The following MDGA2 variants were observed in gnomAD, a reference collection of about 807,000 sequenced individuals.
MDGA2 encodes MAM domain-containing glycosylphosphatidylinositol anchor protein 2.
Under a neutral mutation model 117.8 loss-of-function variants are expected in MDGA2, and 40 were observed. The ratio of observed to expected loss-of-function variants is 0.34; its 90% CI spans 0.26 to 0.44. The LOEUF (loss-of-function observed/expected upper bound fraction) is 0.44, where lower values mean the gene tolerates loss of function less well. Among genes scored for constraint, MDGA2 ranks in the 20% least tolerant of loss-of-function variants. MDGA2 has a pLI of 1.00. For synonymous variants in MDGA2, 452 were observed against 439.0 expected (o/e 1.03, Z -0.37); for missense variants, 1,123 against 1,250.6 (o/e 0.90, Z 1.54).
At chr14:47,226,592 C>G (rs769398583) in intron 2 of MDGA2, among the ~76,000 whole-genome samples, 11 of 152,210 alleles carry the variant, frequency 7.2e-5, no homozygotes, top group Non-Finnish European at 1.5e-4. Context: ...ACGATAGGGC[C>G]TGCTGGCACT....
chr14:47,632,769 G>T (rs117783722), intron 1 of MDGA2, among the ~76,000 whole-genome samples: 13,504 of 151,012 alleles, frequency 0.089, 636 homozygotes, highest in Non-Finnish European at 0.11. Flanking sequence ...TTGAGGGGGG[G>T]GCTCTTCCTT....
chr14:47,482,938 GT>G (rs1893984434), intron 1 of MDGA2, among the ~76,000 whole-genome samples: 1 of 150,886 alleles, frequency 6.6e-6, no homozygotes, highest in Non-Finnish European at 1.5e-5. Flanking sequence ...GGAAAGAGAC[GT>G]TTTGAATTTT....
intron 1 of MDGA2, among the ~76,000 whole-genome samples, chr14:47,364,415 A>G (rs1452102779): frequency 2.2e-4 from 33 of 152,034 alleles, no homozygotes; most frequent in Admixed American, 2.2e-3. Context: ...CAGGTGCCCA[A>G]CACCACGCCC....
Position 47,604,038 on chromosome 14 carries a change from C to T in MDGA2, c.280+70479G>A, listed in dbSNP as rs151217554. ...CGGTGCCATGCTTGTACACAGCCTG[C>T]GGAACCATGAGTCAAATAAATGTCT... On this transcript the variant is annotated intron_variant, in intron 1 of 16. Transcript: ENST00000399232. 2.8e-3 allele frequency among the ~76,000 whole-genome samples: 420 copies of T among 152,206 alleles called. 1 individual carries two copies. Among genetic ancestry groups the T allele is most frequent in the African/African-American group, 9.5e-3 (396 of 41,526 alleles).
chr14:47,191,108 G>C (rs1218088073), intron 3 of MDGA2, among the ~76,000 whole-genome samples: 1 of 151,956 alleles, frequency 6.6e-6, no homozygotes, highest in Non-Finnish European at 1.5e-5. Flanking sequence ...TGTAGCATCT[G>C]AATTTAGCCA....
At chr14:47,295,931 A>AAGATAGAT (rs34675658) in intron 2 of MDGA2, among the ~76,000 whole-genome samples, 2,107 of 132,520 alleles carry the variant, frequency 0.016, 18 homozygotes, top group African/African-American at 0.023. Context: ...GATAGATGAT[A>AAGATAGAT]AGATAGATAG....
chr14:47,213,116 G>C (rs1035550634), intron 3 of MDGA2, among the ~76,000 whole-genome samples: 1 of 152,046 alleles, frequency 6.6e-6, no homozygotes, highest in African/African-American at 2.4e-5. Context: ...AGTATCCTCA[G>C]CAAGGGTGCA....
intron 1 of MDGA2, among the ~76,000 whole-genome samples, chr14:47,406,015 A>C (rs1241789455): frequency 1.3e-5 from 2 of 152,140 alleles, no homozygotes; most frequent in Non-Finnish European, 2.9e-5. Flanking sequence ...TAAATGTCTA[A>C]ACCTAGGTAA....
rs945213124 is a variant in MDGA2, at chr14:47,205,358, G to A, written c.595+12663C>T. Among the ~76,000 whole-genome samples the A allele has an allele frequency of 8.6e-5, 13 of 151,994 alleles. No individual in the cohort carries two copies. In the East Asian group the frequency reaches 2.3e-3, roughly 27 times the overall value. On this transcript the variant is annotated intron_variant, in intron 3 of 16. Transcript: ENST00000399232. ...TATGTCTATTCTTACTTCTCAAAGAGTCTATAATTTATTATTGGGTAGATA... is the reference window on the plus strand; with the variant it reads ...TATGTCTATTCTTACTTCTCAAAGAATCTATAATTTATTATTGGGTAGATA...
chr14:47,661,446 GA>G (rs1471577599), intron 1 of MDGA2, among the ~76,000 whole-genome samples: 1 of 152,064 alleles, frequency 6.6e-6, no homozygotes, highest in Non-Finnish European at 1.5e-5. Context: ...AATTATAGGT[GA>G]AAAAAGATGA....
chr14:47,342,255 T>TA (rs1318647258), intron 1 of MDGA2, among the ~76,000 whole-genome samples: 3 of 10,100 alleles, frequency 3.0e-4, no homozygotes, highest in African/African-American at 5.1e-4. Context: ...GCACAAAATG[T>TA]TTATATATAT....
At chr14:47,417,101 C>T (rs993474106) in intron 1 of MDGA2, among the ~76,000 whole-genome samples, 3 of 152,114 alleles carry the variant, frequency 2.0e-5, no homozygotes, top group African/African-American at 7.2e-5. Flanking sequence ...ATGGCACATT[C>T]GTATTAATCT....
At chr14:47,176,289 G>A (rs1884442476) in intron 3 of MDGA2, among the ~76,000 whole-genome samples, 2 of 152,014 alleles carry the variant, frequency 1.3e-5, no homozygotes, top group Non-Finnish European at 2.9e-5. Context: ...TCACAGAAAT[G>A]AAAAAAACTA....
chr14:46,982,153 T>C (rs1886696150), intron 8 of MDGA2, among the ~76,000 whole-genome samples: 1 of 152,164 alleles, frequency 6.6e-6, no homozygotes, highest in African/African-American at 2.4e-5. Flanking sequence ...TTCCTCAGTG[T>C]TTCAGCTATG....
rs1239792147 is a variant in MDGA2, at chr14:47,198,682, A to G, written c.595+19339T>C. Among the ~76,000 whole-genome samples the G allele has an allele frequency of 3.3e-5, 5 of 152,292 alleles. 1 individual carries two copies. The East Asian group carries it at 9.7e-4, about 29-fold the overall frequency. ...ATATTCTGTTAAAGCTTTCAACCAG[A>G]CTCATTTAGCAATGTTTTCAGACTT... On this transcript the variant is annotated intron_variant, in intron 3 of 16. Transcript: ENST00000399232.
intron 1 of MDGA2, among the ~76,000 whole-genome samples, chr14:47,569,775 A>G (rs992078845): frequency 2.6e-5 from 4 of 152,236 alleles, no homozygotes; most frequent in Admixed American, 2.6e-4. Flanking sequence ...ACTTAAGTAT[A>G]TTTCAGGTAC....
rs1159812073 is a variant in MDGA2, at chr14:47,029,062, C to T, written c.1819+5949G>A. Among the ~76,000 whole-genome samples the T allele has an allele frequency of 5.9e-5, 9 of 152,180 alleles. No individual in the cohort carries two copies. The East Asian group carries it at 1.7e-3, about 29-fold the overall frequency. On this transcript the variant is annotated intron_variant, in intron 8 of 16. Transcript: ENST00000399232. Reference sequence around the variant, plus strand: ...CCTCAGTACACTAATTCTATCTCAACGCTACAGAATATTACCCAGTAACTC... The same window carrying T: ...CCTCAGTACACTAATTCTATCTCAATGCTACAGAATATTACCCAGTAACTC...
intron 1 of MDGA2, among the ~76,000 whole-genome samples, chr14:47,350,036 G>A (rs899737799): frequency 6.6e-6 from 1 of 152,226 alleles, no homozygotes; most frequent in Non-Finnish European, 1.5e-5. Context: ...TAACCCTGAA[G>A]TCAGCATATG....
intron 15 of MDGA2, 95 bp downstream of exon 15, chr14:46,854,929 A>C: frequency 8.8e-7 from 1 of 1,136,200 alleles, no homozygotes; most frequent in Non-Finnish European, 1.2e-6. Flanking sequence ...ATATCGTGGA[A>C]TTTCTGAATA....
Sources: gnomAD v4.1 joint callset for allele counts (sites outside exome capture counted in the v4.1 genomes callset) on GRCh38, gnomAD v4.1.1 for gene constraint, MANE v1.5 for transcripts, NCBI Gene and HGNC (gene_info 2026-07-23, HGNC 2026-07-21) for gene names.